Variants in CHST15 observed in about 807,000 individuals in gnomAD.
The protein encoded by CHST15 is carbohydrate sulfotransferase 15, also known as B cell RAG associated protein (GALNAC4S-6ST).
CHST15 carries 30 observed loss-of-function variants against 53.6 expected under a neutral mutation model. The observed-to-expected ratio is 0.56, with a 90% CI of 0.42 to 0.76. The LOEUF is 0.76. CHST15 is among the 30% of genes least tolerant of loss of function. The probability of loss-of-function intolerance (pLI) is 0.00; values close to 1 mark genes in which losing one functional copy is unlikely to be tolerated. For synonymous variants in CHST15, 296 were observed against 289.8 expected (o/e 1.02, Z -0.22); for missense variants, 627 against 740.5 (o/e 0.85, Z 1.78).
chr10:124,048,979 G>T (rs1174031999), intron 1 of CHST15, among the ~76,000 whole-genome samples: 1 of 152,156 alleles, frequency 6.6e-6, no homozygotes, highest in Admixed American at 6.5e-5. Flanking sequence ...TGTCTGCGGG[G>T]CAGCTGCCCC....
At position 124,069,453 on chromosome 10, in the gene CHST15, G is replaced by C. The variant is rs142138623; in HGVS notation, c.-512-22729C>G. On this transcript the variant is annotated intron_variant, in intron 1 of 7. Coordinates refer to ENST00000435907, the MANE Select transcript of CHST15 (RefSeq NM_001270764.2). Reference sequence around the variant, plus strand: ...AGAGTAACATTGCAAGAATCATCGGGGCCAGGCTCGGGGAATTTGGGACGG... The same window carrying C: ...AGAGTAACATTGCAAGAATCATCGGCGCCAGGCTCGGGGAATTTGGGACGG... Among the ~76,000 whole-genome samples the C allele has an allele frequency of 5.3e-5, 8 of 152,268 alleles. No individual in the cohort carries two copies. In the East Asian group the frequency reaches 1.4e-3, roughly 26 times the overall value.
chr10:124,044,309 G>A (rs1947872398), intron 3 of CHST15, among the ~76,000 whole-genome samples: 1 of 152,180 alleles, frequency 6.6e-6, no homozygotes, highest in Admixed American at 6.5e-5. Flanking sequence ...CTGACTGCTC[G>A]GGTCATGTGC....
At chr10:124,020,905 G>C in intron 6 of CHST15, 1 of 1,338,432 alleles carries the variant, frequency 7.5e-7, no homozygotes, top group Non-Finnish European at 9.5e-7. Context: ...CACCGCTCAA[G>C]AGAATGCTCT....
intron 6 of CHST15, chr10:124,020,945 T>A (rs1946756085): frequency 7.2e-7 from 1 of 1,390,664 alleles, no homozygotes; most frequent in East Asian, 2.6e-5. Context: ...GGTGTCCTCA[T>A]GTCTGCCGAT....
intron 1 of CHST15, among the ~76,000 whole-genome samples, chr10:124,084,680 G>A (rs930409259): frequency 2.6e-5 from 4 of 152,208 alleles, no homozygotes; most frequent in Admixed American, 1.3e-4. Context: ...CCTCTGAACC[G>A]GACATGAGAA....
intron 1 of CHST15, among the ~76,000 whole-genome samples, chr10:124,079,638 C>T (rs143239970): frequency 6.6e-6 from 1 of 152,276 alleles, no homozygotes; most frequent in Non-Finnish European, 1.5e-5. Context: ...AAGAGGACAA[C>T]CAACAGGAGG....
At chr10:124,087,759 G>T (rs1949476739) in intron 1 of CHST15, among the ~76,000 whole-genome samples, 1 of 151,582 alleles carries the variant, frequency 6.6e-6, no homozygotes, top group Admixed American at 6.6e-5. Context: ...TGAGAGTGGG[G>T]TGAGATGTAA....
chr10:124,039,529 C>T (rs1477611350), intron 4 of CHST15, among the ~76,000 whole-genome samples: 4 of 152,382 alleles, frequency 2.6e-5, no homozygotes, highest in East Asian at 3.9e-4. Flanking sequence ...CTGTCTCCTG[C>T]GAGGCGACTG....
At chr10:124,011,534 C>A (rs1590170234) in intron 7 of CHST15, 1 of 985,466 alleles carries the variant, frequency 1.0e-6, no homozygotes, top group Non-Finnish European at 1.2e-6. Context: ...TTAGTCAGGG[C>A]TGCAGGAGGC....
Position 124,073,019 on chromosome 10 carries a change from C to T in CHST15, c.-513+20450G>A, listed in dbSNP as rs548866621. Among the ~76,000 whole-genome samples the T allele has an allele frequency of 1.1e-4, 17 of 152,240 alleles. No homozygotes were observed. The South Asian group carries it at 2.5e-3, about 22-fold the overall frequency. On this transcript the variant is annotated intron_variant, in intron 1 of 7. Transcript: ENST00000435907. ...GAGACTCATACGCTGCTGATGGGAA[C>T]GGTAAATGAGTACAATTGTTTGGAA...
In CHST15 at chr10:124,067,368, T is replaced by C. The variant is rs188165792; in HGVS notation, c.-512-20644A>G. On this transcript the variant is annotated intron_variant, in intron 1 of 7. Coordinates refer to ENST00000435907, the MANE Select transcript of CHST15 (RefSeq NM_001270764.2). ...CTGCTTCCTAAGATATGCAATCCAGTTGGGCATGGAAGCCGCTAGAACAGA... is the reference window on the plus strand; with the variant it reads ...CTGCTTCCTAAGATATGCAATCCAGCTGGGCATGGAAGCCGCTAGAACAGA... Among the ~76,000 whole-genome samples, 402 of 152,290 alleles carry C rather than the reference T, an allele frequency of 2.6e-3. 4 individuals carry two copies. Among genetic ancestry groups the C allele is most frequent in the South Asian group, 0.019 (94 of 4,828 alleles).
intron 5 of CHST15, 100 bp downstream of exon 5, chr10:124,038,415 T>C: frequency 7.0e-7 from 1 of 1,432,864 alleles, no homozygotes; most frequent in Non-Finnish European, 9.6e-7. Context: ...CTGTTTAATT[T>C]TTTCTAAAGG....
chr10:124,047,542 C>T (rs930400666), intron 1 of CHST15, among the ~76,000 whole-genome samples: 2 of 152,094 alleles, frequency 1.3e-5, no homozygotes, highest in Admixed American at 1.3e-4. Context: ...GTAGAAAGAG[C>T]CATGGATAAG....
rs942562206 is a variant in CHST15 at position 124,036,508 on chromosome 10, C to T, written c.1190+2007G>A. ...AGGGCAGATCCAGCCTCTCCCTGAC[C>T]AGGTCATACTCAGAGCAGCGGGAGC... On this transcript the variant is annotated intron_variant, in intron 5 of 7. Coordinates refer to ENST00000435907, the MANE Select transcript of CHST15 (RefSeq NM_001270764.2). This position sits in a 1 kb window ranked among gnomAD's most constrained non-coding sequence, Gnocchi z 5.1. Among the ~76,000 whole-genome samples, 1 of 152,036 alleles carries T rather than the reference C, an allele frequency of 6.6e-6. No homozygotes were observed. Among genetic ancestry groups the T allele is most frequent in the Non-Finnish European group, 1.5e-5 (1 of 68,020 alleles).
chr10:124,064,499 G>A (rs965112530), intron 1 of CHST15, among the ~76,000 whole-genome samples: 4 of 152,132 alleles, frequency 2.6e-5, no homozygotes, highest in African/African-American at 4.8e-5. Flanking sequence ...CAGCCCTGGC[G>A]CTGTGGGGCT....
At position 124,010,363 on chromosome 10, in the gene CHST15, C is replaced by T. The variant is rs369408247; in HGVS notation, c.1496-24G>A. The T allele has an allele frequency of 3.9e-6, 6 of 1,538,748 alleles. No homozygotes were observed. The African/African-American group carries it at 5.5e-5, about 14-fold the overall frequency. On this transcript the variant is annotated intron_variant, in intron 7 of 7. Transcript: ENST00000435907. ...CCCTAGAATAAAAGAAGACGAGTCC[C>T]GTAAGGCAGGAGGCATGGCAGGAAG...
chr10:124,068,963 G>A (rs1197882637), intron 1 of CHST15, among the ~76,000 whole-genome samples: 3 of 152,346 alleles, frequency 2.0e-5, no homozygotes, highest in African/African-American at 7.2e-5. Flanking sequence ...CATACAAGGA[G>A]ATAATCGAAG....
intron 1 of CHST15, among the ~76,000 whole-genome samples, chr10:124,087,855 A>C (rs1373661532): frequency 6.6e-6 from 1 of 152,218 alleles, no homozygotes; most frequent in Non-Finnish European, 1.5e-5. Flanking sequence ...ATATGGGCAC[A>C]GCGGAGCTGC....
Position 124,038,608 on chromosome 10 carries a change from G to C in CHST15, c.1097C>G (p.Thr366Arg). The C allele has an allele frequency of 6.2e-7, 1 of 1,614,156 alleles. No homozygotes were observed. The highest frequency in any genetic ancestry group is 8.5e-7 in the Non-Finnish European group (1 of 1,180,038). ...CGTCAGAAACGGTGGCTCGCCATCC[G>C]TGCTGTTGTCGTAGAAGAACGTCCA... The part of the protein sequence containing the change: ...NAWTFFYDNS[T>R]DGEPPFLTQD... The change falls in exon 5 of 8, where the codon ACG becomes AGG. Residue 366 changes from threonine (T) to arginine (R), a missense_variant. By Grantham distance (71) the Thr-to-Arg change is moderately conservative. Around this residue, in one of 3 missense-constraint regions of CHST15, gnomAD observed 279 missense variants for 371.6 expected, o/e 0.75. Transcript: ENST00000435907.
Sources: allele counts gnomAD v4.1 joint callset (sites outside exome capture counted in the v4.1 genomes callset), GRCh38; gene constraint gnomAD v4.1.1; regional missense constraint gnomAD v4.1.1; non-coding constraint Gnocchi (gnomAD v3.1); transcripts MANE v1.5; gene names NCBI Gene and HGNC (gene_info 2026-07-23, HGNC 2026-07-21).